SEMA5A: variants seen among roughly 807,000 people sequenced by gnomAD.
SEMA5A encodes the protein semaphorin 5A, also known as semaphorin-5A.
A neutral mutation model predicts 135.5 loss-of-function variants in SEMA5A; 55 were observed. The ratio of observed to expected loss-of-function variants is 0.41; its 90% CI spans 0.33 to 0.51. The LOEUF (loss-of-function observed/expected upper bound fraction) is 0.51. Ranked by LOEUF, SEMA5A falls within the 20% of genes least tolerant of loss-of-function variation. The pLI is 0.37. For missense variants in SEMA5A, 1,290 were observed against 1,419.9 expected (o/e 0.91, Z 1.47); for synonymous variants, 580 against 546.5 (o/e 1.06, Z -0.85).
chr5:9,522,456 G>A (rs138121220), intron 1 of SEMA5A, among the ~76,000 whole-genome samples: 199 of 152,238 alleles, frequency 1.3e-3, no homozygotes, highest in African/African-American at 4.6e-3. Flanking sequence ...GGTGCTGCGT[G>A]CCTCTAATCT....
chr5:9,384,643 G>GATAC (rs1369848377), intron 2 of SEMA5A, among the ~76,000 whole-genome samples: 1 of 93,990 alleles, frequency 1.1e-5, no homozygotes, highest in East Asian at 2.4e-4. Flanking sequence ...TAGATAGATA[G>GATAC]ATAGATAGAT....
At chr5:9,353,473 A>C (rs1263312715) in intron 3 of SEMA5A, among the ~76,000 whole-genome samples, 1 of 152,156 alleles carries the variant, frequency 6.6e-6, no homozygotes, top group African/African-American at 2.4e-5. Flanking sequence ...ATATCTACTC[A>C]TACCTCTTCC....
At chr5:9,486,355 T>A (rs1734724564) in intron 1 of SEMA5A, among the ~76,000 whole-genome samples, 5 of 152,180 alleles carry the variant, frequency 3.3e-5, no homozygotes, top group Non-Finnish European at 7.4e-5. Flanking sequence ...GATGGGTTGA[T>A]AGGTGCAGCA....
At chr5:9,100,487 G>A (rs544268276) in intron 16 of SEMA5A, among the ~76,000 whole-genome samples, 13 of 152,260 alleles carry the variant, frequency 8.5e-5, no homozygotes, top group African/African-American at 3.1e-4. Context: ...CTGGGAAGGT[G>A]ACACACTCCC....
intron 7 of SEMA5A, 127 bp from the exon 8 acceptor site, chr5:9,225,014 A>G (rs942564146): frequency 2.6e-6 from 2 of 768,626 alleles, no homozygotes; most frequent in South Asian, 3.7e-5. Context: ...ATGGGGCAAG[A>G]TGACCAACTT....
intron 1 of SEMA5A, among the ~76,000 whole-genome samples, chr5:9,473,383 TAAAAAAAA>T (rs58137756): frequency 1.3e-5 from 1 of 79,704 alleles, no homozygotes; most frequent in African/African-American, 5.1e-5. Flanking sequence ...CAATCAGTGG[TAAAAAAAA>T]AAAAAAAAAA....
chr5:9,279,626 T>C (rs1750440741), intron 5 of SEMA5A, among the ~76,000 whole-genome samples: 3 of 152,106 alleles, frequency 2.0e-5, no homozygotes, highest in Admixed American at 2.0e-4. Flanking sequence ...TGGAGGGGCC[T>C]AGTGGAAGGT....
At chr5:9,173,685 C>T (rs1206739647) in intron 11 of SEMA5A, among the ~76,000 whole-genome samples, 3 of 152,134 alleles carry the variant, frequency 2.0e-5, no homozygotes, top group African/African-American at 7.2e-5. Context: ...AACTTATTTT[C>T]AATCTGGAGG....
At chr5:9,197,785 T>TGTGTGTGTGTGTGTGTGTGTGTGTGTG (rs1561011433) in intron 9 of SEMA5A, among the ~76,000 whole-genome samples, 5 of 117,902 alleles carry the variant, frequency 4.2e-5, no homozygotes, top group Non-Finnish European at 6.4e-5. Context: ...TGTGTGTGTG[T>TGTGTGTGTGTGTGTGTGTGTGTGTGTG]TTTAACCCAG....
chr5:9,223,612 A>T (rs1209815742), intron 8 of SEMA5A, among the ~76,000 whole-genome samples: 1 of 152,224 alleles, frequency 6.6e-6, no homozygotes, highest in Non-Finnish European at 1.5e-5. Context: ...GCTGAGGTTG[A>T]GAAACTCTGG....
At chr5:9,186,015 C>A (rs1053264807) in intron 11 of SEMA5A, among the ~76,000 whole-genome samples, 2 of 152,170 alleles carry the variant, frequency 1.3e-5, no homozygotes, top group Non-Finnish European at 2.9e-5. Context: ...GATTGCTCAG[C>A]ATGACCTTAA....
At chr5:9,465,486 T>G (rs1266782386) in intron 1 of SEMA5A, among the ~76,000 whole-genome samples, 1 of 152,220 alleles carries the variant, frequency 6.6e-6, no homozygotes, top group Non-Finnish European at 1.5e-5. Flanking sequence ...CAATCAGGGA[T>G]GGAAAGTAAT....
chr5:9,280,438 G>C (rs1377554459), intron 5 of SEMA5A, among the ~76,000 whole-genome samples: 1 of 152,186 alleles, frequency 6.6e-6, no homozygotes, highest in Non-Finnish European at 1.5e-5. Flanking sequence ...ACAGGACTTG[G>C]CCCAGGTCAC....
At chr5:9,325,543 G>T (rs562681862) in intron 4 of SEMA5A, among the ~76,000 whole-genome samples, 1 of 151,954 alleles carries the variant, frequency 6.6e-6, no homozygotes, top group South Asian at 2.1e-4. Flanking sequence ...TGGCCTATTA[G>T]AAACAAATCA....
At chr5:9,131,367 G>T (rs1231879028) in intron 13 of SEMA5A, among the ~76,000 whole-genome samples, 1 of 152,028 alleles carries the variant, frequency 6.6e-6, no homozygotes, top group Non-Finnish European at 1.5e-5. Flanking sequence ...CCAGCACTTT[G>T]GGAGGCCGAG....
chr5:9,280,066 G>A (rs986690113), intron 5 of SEMA5A, among the ~76,000 whole-genome samples: 3 of 152,124 alleles, frequency 2.0e-5, no homozygotes, highest in African/African-American at 7.2e-5. Flanking sequence ...CAGGATTTTA[G>A]AGCAATTTCT....
chr5:9,088,180 G>A (rs1738809157), intron 16 of SEMA5A, among the ~76,000 whole-genome samples: 1 of 151,920 alleles, frequency 6.6e-6, no homozygotes, highest in South Asian at 2.1e-4. Flanking sequence ...GGTGGCATGT[G>A]CCTGTAGTCC....
rs1420491132 is a variant in SEMA5A, at chr5:9,108,259, G to A, written c.1954C>T (p.Pro652Ser). 3 of 1,614,026 alleles carry A rather than the reference G, an allele frequency of 1.9e-6. No individual in the cohort carries two copies. The highest frequency in any genetic ancestry group is 2.5e-6 in the Non-Finnish European group (3 of 1,180,050). ...RYCNEHLLCP[P>S]HMFWTGWGPW... ...CCCCAGCCTGTCCAGAACATGTGTG[G>A]GGGACATAGCAAATGTTCATTGCAG... is the stretch of plus-strand genomic sequence containing the variant. The change falls in exon 16 of 23, where the codon CCA becomes TCA. Residue 652 changes from proline (P) to serine (S), a missense_variant. Pro to Ser is a moderately conservative substitution (Grantham distance 74). Around this residue, in one of 3 missense-constraint regions of SEMA5A, gnomAD observed 1,029 missense variants for 1,086.6 expected, o/e 0.95. Transcript: ENST00000382496.
chr5:9,493,282 C>T (rs1735124920), intron 1 of SEMA5A, among the ~76,000 whole-genome samples: 1 of 149,428 alleles, frequency 6.7e-6, no homozygotes, highest in Non-Finnish European at 1.5e-5. Flanking sequence ...TATGTAGCAG[C>T]ATCTATCTAT....
Sources: gnomAD v4.1 joint callset for allele counts (sites outside exome capture counted in the v4.1 genomes callset) on GRCh38, gnomAD v4.1.1 for gene constraint, gnomAD v4.1.1 regional missense constraint, MANE v1.5 for transcripts, NCBI Gene and HGNC (gene_info 2026-07-23, HGNC 2026-07-21) for gene names.